The following CUX1 variants were observed in gnomAD, a reference collection of about 807,000 sequenced individuals.
CUX1 encodes the protein cut like homeobox 1.
In CUX1, 31 loss-of-function variants were observed where a neutral mutation model predicts 158.8. The observed-to-expected ratio is 0.20, with a 90% confidence interval of 0.15 to 0.26. The LOEUF is 0.26. Among genes scored for constraint, CUX1 ranks in the 10% least tolerant of loss-of-function variants. The probability of loss-of-function intolerance (pLI) is 1.00; values close to 1 mark genes in which losing one functional copy is unlikely to be tolerated. For synonymous variants in CUX1, 879 were observed against 862.1 expected, an observed-to-expected ratio of 1.02 and a Z score of -0.34; for missense variants, 1,589 against 2,014.6, an observed-to-expected ratio of 0.79 and a Z score of 4.04.
At chr7:101,832,493 C>G (rs1794152877) in intron 1 of CUX1, among the ~76,000 whole-genome samples, 1 of 152,190 alleles carries the variant, frequency 6.6e-6, no homozygotes, top group Non-Finnish European at 1.5e-5. Flanking sequence ...TCCACCCAGT[C>G]AGTCCCCACA....
At chr7:102,229,242 C>T (rs1798688882) in intron 21 of CUX1, among the ~76,000 whole-genome samples, 1 of 151,656 alleles carries the variant, frequency 6.6e-6, no homozygotes, top group African/African-American at 2.4e-5. Flanking sequence ...GGTTGGTTGT[C>T]TGTGCTCTGT....
At chr7:101,864,689 T>A (rs1414501229) in intron 1 of CUX1, among the ~76,000 whole-genome samples, 1 of 152,188 alleles carries the variant, frequency 6.6e-6, no homozygotes, top group Non-Finnish European at 1.5e-5. Context: ...TAGCTGGGAC[T>A]ACAGGCGCAC....
rs578211312 is a variant in CUX1 at position 101,878,519 on chromosome 7, C to T, written c.31-37596C>T. Reference sequence around the variant, plus strand: ...GCGCCTGAGCCCACAATTACTGCGTCGCTGCTGGGGTCTGGCAAAGCTCAC... The same window carrying T: ...GCGCCTGAGCCCACAATTACTGCGTTGCTGCTGGGGTCTGGCAAAGCTCAC... On this transcript the variant is annotated intron_variant, in intron 1 of 23. Coordinates refer to ENST00000292535, the MANE Select transcript of CUX1 (RefSeq NM_181552.4). Among the ~76,000 whole-genome samples the T allele has an allele frequency of 1.8e-4, 28 of 152,254 alleles. 1 individual carries two copies. The highest frequency in any genetic ancestry group is 1.8e-3 in the Admixed American group (27 of 15,292).
rs1186619474 is a variant in CUX1, at chr7:101,869,747, AGCGCAGGGGAG to A, written c.31-46354_31-46344del. ...GCGGGAGCTCACAGGCTGCAGAGGAAGCGCAGGGGAGGCGCAGGGGAGGCCAGGCTCTGGCA... is the reference window on the plus strand; with the variant it reads ...GCGGGAGCTCACAGGCTGCAGAGGAAGCGCAGGGGAGGCCAGGCTCTGGCA... On this transcript the variant is annotated intron_variant, in intron 1 of 23. Coordinates refer to ENST00000292535, the MANE Select transcript of CUX1 (RefSeq NM_181552.4). The surrounding 1 kb of genome is among the most constrained non-coding windows in gnomAD (Gnocchi z 4.5). Among the ~76,000 whole-genome samples the A allele has an allele frequency of 5.3e-5, 8 of 152,092 alleles. No homozygotes were observed. The highest frequency in any genetic ancestry group is 1.0e-4 in the Non-Finnish European group (7 of 68,000).
At chr7:102,216,782 A>C (rs1391312797) in intron 20 of CUX1, among the ~76,000 whole-genome samples, 3 of 142,818 alleles carry the variant, frequency 2.1e-5, no homozygotes, top group African/African-American at 8.0e-5. Context: ...ACACTCTCCC[A>C]CACACACACT....
chr7:101,823,205 C>T (rs1792868601), intron 1 of CUX1, among the ~76,000 whole-genome samples: 1 of 152,098 alleles, frequency 6.6e-6, no homozygotes, highest in Non-Finnish European at 1.5e-5. Flanking sequence ...GCTGACCCCA[C>T]AAGCAGGACT....
intron 1 of CUX1, among the ~76,000 whole-genome samples, chr7:101,901,281 A>G (rs1163268260): frequency 6.6e-6 from 1 of 151,942 alleles, no homozygotes; most frequent in African/African-American, 2.4e-5. Flanking sequence ...CTTGCAAAAT[A>G]ATTAAGCAAA....
chr7:102,195,722 C>A, intron 14 of CUX1, 119 bp downstream of exon 14: 1 of 902,076 alleles, frequency 1.1e-6, no homozygotes, highest in Non-Finnish European at 1.7e-6. Context: ...CGCCGGTTGA[C>A]GAGAACCTTT....
intron 2 of CUX1, among the ~76,000 whole-genome samples, chr7:102,027,448 C>G (rs1464843868): frequency 6.6e-6 from 1 of 152,118 alleles, no homozygotes; most frequent in Admixed American, 6.6e-5. Flanking sequence ...CAGGCAAACC[C>G]CCCATTCTAG....
chr7:101,949,320 A>G (rs546856809), intron 2 of CUX1, among the ~76,000 whole-genome samples: 2 of 151,612 alleles, frequency 1.3e-5, no homozygotes, highest in South Asian at 4.2e-4. Context: ...TTCAGTAGAG[A>G]CGGGTTTCAC....
chr7:102,262,807 T>C (rs1563513845), downstream of CUX1, among the ~76,000 whole-genome samples: 1 of 152,118 alleles, frequency 6.6e-6, no homozygotes, highest in Admixed American at 6.5e-5. Flanking sequence ...CGGGGTAGTA[T>C]CCACTCGCCC....
intron 1 of CUX1, among the ~76,000 whole-genome samples, chr7:101,870,143 TG>T (rs1251936236): frequency 4.6e-5 from 5 of 108,644 alleles, no homozygotes; most frequent in African/African-American, 1.6e-4. Context: ...TGATGTTTAG[TG>T]TTTTTTTTGT....
At chr7:101,992,528 C>T (rs997710594) in intron 2 of CUX1, among the ~76,000 whole-genome samples, 2 of 152,142 alleles carry the variant, frequency 1.3e-5, no homozygotes, top group Non-Finnish European at 2.9e-5. Flanking sequence ...CCCTACGTGC[C>T]CCATGCCCAG....
intron 1 of CUX1, among the ~76,000 whole-genome samples, chr7:101,857,274 G>C (rs1247445663): frequency 6.6e-6 from 1 of 152,246 alleles, no homozygotes; most frequent in East Asian, 1.9e-4. Flanking sequence ...CACAGGCCTA[G>C]CATTCAATAC....
chr7:102,070,246 C>A, intron 3 of CUX1, 93 bp from the exon 4 acceptor site: 1 of 1,061,996 alleles, frequency 9.4e-7, no homozygotes, highest in Non-Finnish European at 1.4e-6. Flanking sequence ...TCCCTTGCTA[C>A]GGGAATTCAC....
intron 3 of CUX1, among the ~76,000 whole-genome samples, chr7:102,056,907 G>GT (rs35992811): frequency 0.67 from 96,126 of 142,812 alleles, 32,295 homozygotes; most frequent in East Asian, 0.97. Context: ...TTGTTTTCTG[G>GT]TTTTTTTTTT....
At chr7:102,153,448 C>T (rs575873938) in intron 8 of CUX1, 3 of 152,336 alleles carry the variant, frequency 2.0e-5, no homozygotes, top group African/African-American at 4.8e-5. Flanking sequence ...TCCGCACTCC[C>T]AAGATCAGGG....
chr7:101,921,189 C>G (rs1379513757), intron 2 of CUX1, among the ~76,000 whole-genome samples: 2 of 152,168 alleles, frequency 1.3e-5, no homozygotes, highest in Non-Finnish European at 2.9e-5. Flanking sequence ...GCAGATACCT[C>G]CCAAAGCCCC....
At chr7:101,964,440 G>C (rs1810893326) in intron 2 of CUX1, among the ~76,000 whole-genome samples, 1 of 152,162 alleles carries the variant, frequency 6.6e-6, no homozygotes, top group Non-Finnish European at 1.5e-5. Context: ...CATTATTGCT[G>C]TCCTTGTTAT....
Sources: gnomAD v4.1 joint callset for allele counts (sites outside exome capture counted in the v4.1 genomes callset) on GRCh38, gnomAD v4.1.1 for gene constraint, Gnocchi (gnomAD v3.1) non-coding constraint, MANE v1.5 for transcripts, NCBI Gene and HGNC (gene_info 2026-07-23, HGNC 2026-07-21) for gene names.